FREM2: variants seen among roughly 807,000 people sequenced by gnomAD.
FREM2 encodes the protein FRAS1-related extracellular matrix protein 2.
A neutral mutation model predicts 219.9 loss-of-function variants in FREM2; 119 were observed. The observed-to-expected ratio is 0.54, with a 90% CI of 0.47 to 0.63. FREM2 has a LOEUF of 0.63. FREM2 is among the 30% of genes least tolerant of loss of function. The pLI, the probability that FREM2 is intolerant of heterozygous loss-of-function variation, is 0.00. For missense variants in FREM2, 4,030 were observed against 3,993.6 expected, an observed-to-expected ratio of 1.01 and a Z score of -0.25; for synonymous variants, 1,562 against 1,522.8, an observed-to-expected ratio of 1.03 and a Z score of -0.60.
chr13:38,804,771 G>C (rs1031592893), intron 6 of FREM2, among the ~76,000 whole-genome samples: 2 of 152,120 alleles, frequency 1.3e-5, no homozygotes, highest in Non-Finnish European at 2.9e-5. Flanking sequence ...GAGAAAGCTT[G>C]AGGGAGGGAA....
chr13:38,760,999 A>G (rs1873205509), intron 2 of FREM2, among the ~76,000 whole-genome samples: 1 of 152,202 alleles, frequency 6.6e-6, no homozygotes, highest in Admixed American at 6.6e-5. Context: ...AAAATGTGCC[A>G]TATTTAGAAG....
intron 4 of FREM2, among the ~76,000 whole-genome samples, chr13:38,775,137 C>G (rs1299216794): frequency 6.6e-6 from 1 of 152,118 alleles, no homozygotes; most frequent in Non-Finnish European, 1.5e-5. Context: ...CTGAATGAGC[C>G]AAACCGATTT....
At chr13:38,831,496 A>G (rs1337593022) in intron 6 of FREM2, among the ~76,000 whole-genome samples, 1 of 152,178 alleles carries the variant, frequency 6.6e-6, no homozygotes, top group Non-Finnish European at 1.5e-5. Flanking sequence ...ACATGTATTG[A>G]CTTTTCTTTA....
intron 6 of FREM2, among the ~76,000 whole-genome samples, chr13:38,823,194 A>G (rs999067752): frequency 1.3e-5 from 2 of 151,716 alleles, no homozygotes; most frequent in African/African-American, 4.8e-5. Context: ...TAAATATTAT[A>G]TCCTTATTAT....
intron 2 of FREM2, among the ~76,000 whole-genome samples, chr13:38,724,631 A>G (rs563306800): frequency 2.0e-5 from 3 of 152,358 alleles, no homozygotes; most frequent in East Asian, 3.9e-4. Context: ...TAAACAAAAA[A>G]GTAAATTTAT....
chr13:38,771,512 A>G (rs1873659194), intron 4 of FREM2, among the ~76,000 whole-genome samples: 1 of 152,168 alleles, frequency 6.6e-6, no homozygotes, highest in South Asian at 2.1e-4. Context: ...CCCATGATAT[A>G]TCTAAGCAGT....
At chr13:38,799,527 G>C (rs752919445) in intron 6 of FREM2, among the ~76,000 whole-genome samples, 1 of 152,030 alleles carries the variant, frequency 6.6e-6, no homozygotes, top group African/African-American at 2.4e-5. Context: ...TTTATTTTCT[G>C]TCTCAATGAT....
At chr13:38,792,176 A>G (rs765751394) in intron 6 of FREM2, among the ~76,000 whole-genome samples, 10 of 152,080 alleles carry the variant, frequency 6.6e-5, no homozygotes, top group Non-Finnish European at 1.2e-4. Context: ...GTGAAACTGC[A>G]TCTCTACTAA....
intron 6 of FREM2, among the ~76,000 whole-genome samples, chr13:38,817,116 T>A (rs1220334697): frequency 6.6e-6 from 1 of 152,114 alleles, no homozygotes; most frequent in Non-Finnish European, 1.5e-5. Context: ...TAAGAATTAA[T>A]GTCATAAAAT....
At chr13:38,712,509 A>T (rs949993300) in intron 2 of FREM2, among the ~76,000 whole-genome samples, 3 of 152,218 alleles carry the variant, frequency 2.0e-5, no homozygotes, top group Non-Finnish European at 4.4e-5. Context: ...TATATTTATT[A>T]ATTAGAATAT....
rs1023395992 is a variant in FREM2 at position 38,799,357 on chromosome 13, GT to G, written c.6019+14551del. Among the ~76,000 whole-genome samples the G allele has an allele frequency of 1.5e-4, 22 of 151,422 alleles. 1 individual carries two copies. The stretch of plus-strand genomic sequence containing the variant: ...ATAAAATTTTTCTTTTAAAAAATTT[GT>G]TGAGGCTTGTTTTGTGGCCTAACAT... On this transcript the variant is annotated intron_variant, in intron 6 of 23. Transcript: ENST00000280481.
intron 20 of FREM2, 25 bp from the exon 21 acceptor site, chr13:38,877,092 A>G: frequency 1.2e-6 from 2 of 1,613,886 alleles, no homozygotes; most frequent in Non-Finnish European, 1.7e-6. Flanking sequence ...CTGATGCATA[A>G]AAGAACTTTT....
Position 38,690,162 on chromosome 13 carries a change from G to A in FREM2, c.2818G>A (p.Val940Met), listed in dbSNP as rs1161785341. The A allele has an allele frequency of 1.2e-6, 2 of 1,613,990 alleles. No homozygotes were observed. Among genetic ancestry groups the A allele is most frequent in the South Asian group, 1.1e-5 (1 of 91,082 alleles). The change falls in exon 1 of 24, where the codon GTG (valine) becomes ATG (methionine). Residue 940 changes from valine (V) to methionine (M), a missense_variant. Val to Met is a conservative substitution (Grantham distance 21). This residue lies in a region of FREM2 where 3,102 missense variants were observed against 2,950.7 expected (regional missense o/e 1.05). Transcript: ENST00000280481. ...RVNVRPVDDE[V>M]PILSHPTGTL... ...AAATGTCCGGCCAGTGGATGATGAA[G>A]TGCCCATACTGAGCCATCCTACTGG...
rs201857311 is a variant in FREM2, at chr13:38,859,396, G to A, written c.7325G>A (p.Gly2442Asp). ...RYRWLISAPA[G>D]PDGVTSPMRE... ...CGGTGGCTGATTAGTGCACCTGCGGGCCCTGACGGTGTGACCAGCCCTATG... is the reference window on the plus strand; with the variant it reads ...CGGTGGCTGATTAGTGCACCTGCGGACCCTGACGGTGTGACCAGCCCTATG... Residue 2442 changes from glycine to aspartate, a missense_variant, in exon 14 of 24, where the codon GGC becomes GAC. By Grantham distance (94) the Gly-to-Asp change is moderately conservative. Transcript: ENST00000280481. The A allele has an allele frequency of 3.1e-6, 5 of 1,614,072 alleles. No homozygotes were observed. Among genetic ancestry groups the A allele is most frequent in the Non-Finnish European group, 4.2e-6 (5 of 1,180,042 alleles).
chr13:38,820,515 G>T (rs1411194388), intron 6 of FREM2, among the ~76,000 whole-genome samples: 1 of 151,968 alleles, frequency 6.6e-6, no homozygotes, highest in Non-Finnish European at 1.5e-5. Flanking sequence ...AATCTGAGAA[G>T]CAGCTTCTCA....
intron 6 of FREM2, among the ~76,000 whole-genome samples, chr13:38,831,497 C>T (rs192586175): frequency 1.1e-4 from 17 of 152,154 alleles, no homozygotes; most frequent in African/African-American, 3.1e-4. Flanking sequence ...CATGTATTGA[C>T]TTTTCTTTAC....
At chr13:38,752,005 G>C (rs550250280) in intron 2 of FREM2, among the ~76,000 whole-genome samples, 2 of 152,096 alleles carry the variant, frequency 1.3e-5, no homozygotes, top group Non-Finnish European at 2.9e-5. Flanking sequence ...ATTCTAAAGG[G>C]ATCAGAGCAA....
In FREM2 at chr13:38,687,934, G is replaced by A; in HGVS notation, c.590G>A (p.Ser197Asn). 1.9e-6 allele frequency: 3 copies of A among 1,603,930 alleles called. No individual in the cohort carries two copies. Among genetic ancestry groups the A allele is most frequent in the Non-Finnish European group, 2.6e-6 (3 of 1,174,388 alleles). ...PLVVEELLGT[S>N]NALDARSLEF... ...GTCGTGGAAGAGCTGCTGGGGACCAGCAATGCCCTGGACGCGCGGAGCCTG... is the reference window on the plus strand; with the variant it reads ...GTCGTGGAAGAGCTGCTGGGGACCAACAATGCCCTGGACGCGCGGAGCCTG... Residue 197 changes from serine to asparagine, a missense_variant, in exon 1 of 24, where the codon AGC (serine) becomes AAC (asparagine). This residue lies in a region of FREM2 where 3,102 missense variants were observed against 2,950.7 expected (regional missense o/e 1.05). Coordinates refer to ENST00000280481, the MANE Select transcript of FREM2 (RefSeq NM_207361.6).
At chr13:38,698,261 A>C (rs920660423) in intron 2 of FREM2, among the ~76,000 whole-genome samples, 1 of 152,214 alleles carries the variant, frequency 6.6e-6, no homozygotes, top group African/African-American at 2.4e-5. Flanking sequence ...AATCAGTAGT[A>C]AATTAATGTC....
Sources: gnomAD v4.1 joint callset for allele counts (sites outside exome capture counted in the v4.1 genomes callset) on GRCh38, gnomAD v4.1.1 for gene constraint, gnomAD v4.1.1 regional missense constraint, MANE v1.5 for transcripts, NCBI Gene and HGNC (gene_info 2026-07-23, HGNC 2026-07-21) for gene names.